Variants in PHF7 observed in about 807,000 individuals in gnomAD.
PHF7 encodes the protein PHD finger protein 7.
Under a neutral mutation model 47.5 loss-of-function variants are expected in PHF7, and 24 were observed. The ratio of observed to expected loss-of-function variants is 0.51; its 90% CI spans 0.37 to 0.71. The LOEUF is 0.71. Among genes scored for constraint, PHF7 ranks in the 30% least tolerant of loss-of-function variants. The pLI, the probability that PHF7 is intolerant of heterozygous loss-of-function variation, is 0.00. For missense variants in PHF7, 361 were observed against 456.8 expected, an observed-to-expected ratio of 0.79 and a Z score of 1.91; for synonymous variants, 156 against 153.8, an observed-to-expected ratio of 1.01 and a Z score of -0.11.
rs544878296 is a variant in PHF7 at position 52,418,533 on chromosome 3, G to T, written c.187-1300G>T. On this transcript the variant is annotated intron_variant, in intron 4 of 10. Coordinates refer to ENST00000327906, the MANE Select transcript of PHF7 (RefSeq NM_016483.7). ...TAGTTTTAAAATATGTGTTTCAAAA[G>T]TTCAATTCCTTCCCCCATAATACAG... Among the ~76,000 whole-genome samples, 163 of 152,288 alleles carry T rather than the reference G, an allele frequency of 1.1e-3. 1 individual carries two copies. The highest frequency in any genetic ancestry group is 3.8e-3 in the African/African-American group (157 of 41,572).
intron 9 of PHF7, 76 bp from the exon 10 acceptor site, chr3:52,422,683 TG>T: frequency 6.6e-7 from 1 of 1,512,118 alleles, no homozygotes; most frequent in Non-Finnish European, 9.2e-7. Context: ...AAAAAATGCC[TG>T]GCCCATAGCA....
intron 8 of PHF7, 36 bp downstream of exon 8, chr3:52,421,790 AG>A (rs765235380): frequency 2.7e-6 from 3 of 1,115,748 alleles, no homozygotes; most frequent in Non-Finnish European, 4.1e-6. Context: ...TGAGCCAGGG[AG>A]TGGGTTGCCT....
Position 52,422,302 on chromosome 3 carries a change from T to A in PHF7, c.761T>A (p.Leu254Gln). The change falls in exon 9 of 11, where the codon CTG becomes CAG. Residue 254 changes from leucine to glutamine, a missense_variant. By Grantham distance (113) the Leu-to-Gln change is moderately radical (BLOSUM62 -2). Coordinates refer to ENST00000327906, the MANE Select transcript of PHF7 (RefSeq NM_016483.7). ...CAGCACTGTGATGCCCCCATCTGTC[T>A]GTATGAACAAGGCAGAGACAGCTTT... ...RYQHCDAPICLYEQGRDSFED... is the reference protein window; with the variant it reads ...RYQHCDAPICQYEQGRDSFED... 1 of 1,613,684 alleles carries A rather than the reference T, an allele frequency of 6.2e-7. No homozygotes were observed. The highest frequency in any genetic ancestry group is 1.7e-5 in the Admixed American group (1 of 60,024).
At chr3:52,419,209 G>T (rs1705710281) in intron 4 of PHF7, among the ~76,000 whole-genome samples, 2 of 152,140 alleles carry the variant, frequency 1.3e-5, no homozygotes, top group Non-Finnish European at 2.9e-5. Flanking sequence ...TAGAGCAAAA[G>T]TAAGAGTCCA....
chr3:52,421,947 T>C (rs1705803968), intron 8 of PHF7, 193 bp downstream of exon 8: 4 of 589,554 alleles, frequency 6.8e-6, no homozygotes, highest in South Asian at 6.1e-5. Context: ...AATGGGGTGC[T>C]TGTTGCTGAA....
intron 1 of PHF7, among the ~76,000 whole-genome samples, chr3:52,411,696 C>T (rs948520003): frequency 6.6e-6 from 1 of 152,266 alleles, no homozygotes; most frequent in Non-Finnish European, 1.5e-5. Flanking sequence ...GGTGGATTTT[C>T]TTTCGTTCCC....
chr3:52,412,715 G>A (rs1375465138), intron 1 of PHF7, 96 bp from the exon 2 acceptor site: 2 of 628,436 alleles, frequency 3.2e-6, no homozygotes, highest in African/African-American at 3.7e-5. Flanking sequence ...CCATCACATG[G>A]GTTGGGAGGT....
At chr3:52,415,630 A>G (rs193174318) in intron 4 of PHF7, among the ~76,000 whole-genome samples, 1 of 152,334 alleles carries the variant, frequency 6.6e-6, no homozygotes, top group African/African-American at 2.4e-5. Flanking sequence ...GTGAAATCAT[A>G]TAGTTTATAA....
At chr3:52,422,011 A>T (rs911798172) in intron 8 of PHF7, 1 of 601,064 alleles carries the variant, frequency 1.7e-6, no homozygotes, top group Non-Finnish European at 3.0e-6. Flanking sequence ...TGGATTCCAG[A>T]GTGGAACTAA....
intron 5 of PHF7, 44 bp from the exon 6 acceptor site, chr3:52,420,267 G>A: frequency 1.2e-6 from 2 of 1,604,438 alleles, no homozygotes; most frequent in South Asian, 2.2e-5. Flanking sequence ...GTGTGTGTTT[G>A]CATTTCTTGG....
At position 52,413,499 on chromosome 3, in the gene PHF7, T is replaced by C. The variant is rs1312018476; in HGVS notation, c.42-497T>C. Reference sequence around the variant, plus strand: ...AGAAAGATGCTTACAATCCGGTTCCTGCCCTCAAATAACTCAGTGAGTATG... The same window carrying C: ...AGAAAGATGCTTACAATCCGGTTCCCGCCCTCAAATAACTCAGTGAGTATG... On this transcript the variant is annotated intron_variant, in intron 2 of 10. Coordinates refer to ENST00000327906, the MANE Select transcript of PHF7 (RefSeq NM_016483.7). 2.6e-5 allele frequency among the ~76,000 whole-genome samples: 4 copies of C among 152,272 alleles called. No homozygotes were observed. In the East Asian group the frequency reaches 7.7e-4, roughly 29 times the overall value.
At chr3:52,421,102 C>T (rs201606421) in intron 7 of PHF7, 40 bp downstream of exon 7, 4 of 1,544,800 alleles carry the variant, frequency 2.6e-6, no homozygotes, top group Admixed American at 3.8e-5. Context: ...CACCATTGCC[C>T]TAGTTCTCTG....
rs931759496 is a variant in PHF7, at chr3:52,423,444, A to G, written c.*127A>G. 4 of 632,008 alleles carry G rather than the reference A, an allele frequency of 6.3e-6. No homozygotes were observed. The African/African-American group carries it at 7.4e-5, about 12-fold the overall frequency. The allele number at this position is 632,008 out of a possible 1,614,324, so 39.2% of individuals were successfully genotyped here. A position where few individuals can be genotyped will look rare whatever the true frequency, so the allele number is the denominator to read the frequency against. On this transcript the variant is annotated 3_prime_UTR_variant, in exon 11 of 11. Transcript: ENST00000327906. ...GGGCCAGCAGTGAGACTATGAGCCAAGCAAAGAGAAGTCTCAGTGGAGCAT... is the reference window on the plus strand; with the variant it reads ...GGGCCAGCAGTGAGACTATGAGCCAGGCAAAGAGAAGTCTCAGTGGAGCAT...
At chr3:52,422,572 T>C (rs2153229245) in intron 9 of PHF7, 188 bp from the exon 10 acceptor site, 1 of 681,938 alleles carries the variant, frequency 1.5e-6, no homozygotes. Flanking sequence ...GCCAATTCCT[T>C]TCCTAATCTA....
intron 8 of PHF7, 126 bp downstream of exon 8, chr3:52,421,880 G>A: frequency 1.6e-6 from 1 of 636,914 alleles, no homozygotes; most frequent in South Asian, 1.8e-5. Context: ...AGGAAGGGGA[G>A]GAGGGAGTGC....
intron 2 of PHF7, 65 bp from the exon 3 acceptor site, chr3:52,413,931 A>G: frequency 9.2e-7 from 1 of 1,086,378 alleles, no homozygotes; most frequent in Non-Finnish European, 1.4e-6. Context: ...TTTAAGAGAA[A>G]TGTTAAAAAG....
chr3:52,414,674 G>A (rs1218275558), intron 4 of PHF7, 87 bp downstream of exon 4: 2 of 741,194 alleles, frequency 2.7e-6, no homozygotes, highest in African/African-American at 3.7e-5. Context: ...CATATCCACA[G>A]CCTTGTTTTT....
intron 2 of PHF7, among the ~76,000 whole-genome samples, 187 bp downstream of exon 2, chr3:52,413,107 G>A (rs904106998): frequency 2.6e-5 from 4 of 152,110 alleles, no homozygotes; most frequent in African/African-American, 9.7e-5. Flanking sequence ...GCTGACTCTG[G>A]AACCTTACTA....
Position 52,422,230 on chromosome 3 carries a change from C to T in PHF7, c.689C>T (p.Ala230Val). 6.2e-7 allele frequency: 1 copy of T among 1,608,076 alleles called. No individual in the cohort carries two copies. Among genetic ancestry groups the T allele is most frequent in the Non-Finnish European group, 8.5e-7 (1 of 1,174,492 alleles). ...TTCTTCTCCCACTGCAGAGATGCTG[C>T]CTGGGAACTCGAGCCAGGGGCTTTC... ...MGIHIPDRDA[A>V]WELEPGAFSD... is the part of the protein sequence containing the mutation. The change falls in exon 9 of 11, where the codon GCC (alanine) becomes GTC (valine). Residue 230 changes from alanine (A) to valine (V), a missense_variant. Physicochemically the swap from Ala to Val is moderately conservative, Grantham distance 64. Coordinates refer to ENST00000327906, the MANE Select transcript of PHF7 (RefSeq NM_016483.7).
Sources: allele counts gnomAD v4.1 joint callset (sites outside exome capture counted in the v4.1 genomes callset), GRCh38; gene constraint gnomAD v4.1.1; transcripts MANE v1.5; gene names NCBI Gene and HGNC (gene_info 2026-07-23, HGNC 2026-07-21).